The following KIF3A variants were observed in gnomAD, a reference collection of about 807,000 sequenced individuals.
KIF3A encodes the protein kinesin-like protein KIF3A.
A neutral mutation model predicts 92.6 loss-of-function variants in KIF3A; 27 were observed. The ratio of observed to expected loss-of-function variants is 0.29; its 90% CI spans 0.21 to 0.40. The LOEUF is 0.40. Among genes scored for constraint, KIF3A ranks in the 10% least tolerant of loss-of-function variants. The pLI, the probability that KIF3A is intolerant of heterozygous loss-of-function variation, is 1.00. For synonymous variants in KIF3A, 250 were observed against 275.4 expected (o/e 0.91, Z 0.92); for missense variants, 581 against 872.6 (o/e 0.67, Z 4.21).
chr5:132,717,263 A>G (rs1753658119), intron 5 of KIF3A, among the ~76,000 whole-genome samples: 1 of 152,186 alleles, frequency 6.6e-6, no homozygotes, highest in East Asian at 1.9e-4. Context: ...ACTAATTTAC[A>G]CCAAAAAACC....
chr5:132,689,631 T>C (rs1581050904), downstream of KIF3A: 3 of 152,318 alleles, frequency 2.0e-5, no homozygotes, highest in African/African-American at 7.2e-5. Flanking sequence ...GGATGGACAA[T>C]GTCTTCAGCA....
At chr5:132,711,941 C>T (rs754520727) in intron 8 of KIF3A, among the ~76,000 whole-genome samples, 1 of 152,070 alleles carries the variant, frequency 6.6e-6, no homozygotes, top group South Asian at 2.1e-4. Context: ...AGCACTATAT[C>T]ATCTTCAAAT....
chr5:132,720,135 C>T (rs1019366179), intron 5 of KIF3A, among the ~76,000 whole-genome samples: 8 of 152,134 alleles, frequency 5.3e-5, no homozygotes, highest in East Asian at 1.9e-4. Flanking sequence ...AGCCACTGTG[C>T]GTGGCTATGG....
At chr5:132,720,539 T>C in intron 5 of KIF3A, 70 bp downstream of exon 5, 1 of 879,172 alleles carries the variant, frequency 1.1e-6, no homozygotes, top group Non-Finnish European at 1.8e-6. Context: ...TAAAGTGCCA[T>C]ACCAAATTTG....
In KIF3A at chr5:132,700,432, C is replaced by T. The variant is rs983936976; in HGVS notation, c.1939-148G>A. 4.6e-6 allele frequency: 3 copies of T among 653,304 alleles called. No individual in the cohort carries two copies. In the African/African-American group the frequency reaches 5.5e-5, roughly 12 times the overall value. 40.5% of individuals were successfully genotyped at this position (653,304 alleles called of 1,614,324 possible). On this transcript the variant is annotated intron_variant, in intron 16 of 18. Transcript: ENST00000403231. ...GAAAGGGCCCCAGAGGTCACTTAGT[C>T]CCACATAGCCCCTAACTCTGACCAT...
rs1271956228 is a variant in KIF3A at position 132,693,805 on chromosome 5, G to T, written c.*2829C>A. On this transcript the variant is annotated 3_prime_UTR_variant, in exon 19 of 19. Transcript: ENST00000403231. ...AGCCTGGCCAACATGGTGAAACCCG[G>T]TCTCTACTAAAAAAAAAATACAAAA... is the stretch of plus-strand genomic sequence containing the variant. The T allele has an allele frequency of 1.3e-5, 2 of 151,354 alleles. No individual in the cohort carries two copies. Among genetic ancestry groups the T allele is most frequent in the Non-Finnish European group, 2.9e-5 (2 of 67,916 alleles). The allele number at this position is 151,354 out of a possible 1,614,324, so 9.4% of individuals were successfully genotyped here.
intron 1 of KIF3A, chr5:132,736,888 C>T (rs1351658339): frequency 6.6e-5 from 24 of 365,896 alleles, no homozygotes; most frequent in Non-Finnish European, 1.2e-4. Flanking sequence ...CCGCCACACA[C>T]ACAAAGACAC....
Position 132,716,810 on chromosome 5 carries a change from AAG to A in KIF3A, c.756+33_756+34del, listed in dbSNP as rs780912217. 86 of 1,596,734 alleles carry A rather than the reference AAG, an allele frequency of 5.4e-5. No homozygotes were observed. The East Asian group carries it at 1.4e-3, about 25-fold the overall frequency. Reference sequence around the variant, plus strand: ...TTTATAAAATAAATGGATCACAAGAAAGAGTTATTCCTTAAGCAGTGTCCTGT... The same window carrying A: ...TTTATAAAATAAATGGATCACAAGAAAGTTATTCCTTAAGCAGTGTCCTGT... On this transcript the variant is annotated intron_variant, in intron 6 of 18. Coordinates refer to ENST00000403231, the MANE Select transcript of KIF3A (RefSeq NM_001300791.2).
At chr5:132,703,210 AGTATCG>A in intron 12 of KIF3A, 145 bp from the exon 13 acceptor site, 1 of 719,448 alleles carries the variant, frequency 1.4e-6, no homozygotes, top group Non-Finnish European at 2.2e-6. Context: ...ACCACTGTGT[AGTATCG>A]ATTTCTAACT....
intron 18 of KIF3A, among the ~76,000 whole-genome samples, chr5:132,698,537 C>A (rs1291667576): frequency 6.6e-6 from 1 of 151,920 alleles, no homozygotes; most frequent in Non-Finnish European, 1.5e-5. Context: ...CCTTGGGAGA[C>A]CAAACAGGCA....
Position 132,711,060 on chromosome 5 carries a change from T to C in KIF3A, c.1130-3A>G. 3.1e-6 allele frequency: 5 copies of C among 1,609,642 alleles called. No homozygotes were observed. The highest frequency in any genetic ancestry group is 1.3e-5 in the African/African-American group (1 of 74,966). ...ATCAGAGCCTGATATTTCTTCTCCT[T>C]GGACAGAAATTTAATACAATGTTTT... is the stretch of plus-strand genomic sequence containing the variant. On this transcript the variant is annotated splice_region_variant and splice_polypyrimidine_tract_variant and intron_variant, in intron 8 of 18. Transcript: ENST00000403231.
intron 4 of KIF3A, among the ~76,000 whole-genome samples, chr5:132,722,769 T>C (rs962102292): frequency 9.8e-5 from 15 of 152,316 alleles, no homozygotes; most frequent in African/African-American, 3.4e-4. Flanking sequence ...CTAGTCACTA[T>C]TGTAAAAGAC....
intron 11 of KIF3A, among the ~76,000 whole-genome samples, chr5:132,704,370 T>C (rs1753140988): frequency 6.6e-6 from 1 of 151,910 alleles, no homozygotes; most frequent in South Asian, 2.1e-4. Flanking sequence ...GAAGGCTCCC[T>C]AAGTCAGAGT....
chr5:132,700,797 A>T (rs1468215), intron 15 of KIF3A, 97 bp from the exon 16 acceptor site: 471,010 of 727,418 alleles, frequency 0.65, 161,863 homozygotes, highest in Non-Finnish European at 0.74. Context: ...TGAGTAATAA[A>T]AGTCTCAAAA....
chr5:132,689,662 G>T (rs960085578), downstream of KIF3A: 1 of 152,216 alleles, frequency 6.6e-6, no homozygotes, highest in Non-Finnish European at 1.5e-5. Context: ...AACACAGGCA[G>T]TAACAGACGC....
At chr5:132,722,029 T>A (rs1410084329) in intron 4 of KIF3A, among the ~76,000 whole-genome samples, 4 of 152,232 alleles carry the variant, frequency 2.6e-5, no homozygotes, top group African/African-American at 9.6e-5. Context: ...GATAATTTTG[T>A]AAAATACAAA....
At chr5:132,727,486 A>G (rs1754073983) in intron 2 of KIF3A, among the ~76,000 whole-genome samples, 1 of 152,192 alleles carries the variant, frequency 6.6e-6, no homozygotes, top group African/African-American at 2.4e-5. Context: ...ATCAGATAGG[A>G]ACAGTGTGGA....
intron 2 of KIF3A, among the ~76,000 whole-genome samples, 178 bp downstream of exon 2, chr5:132,734,027 T>C (rs1754315453): frequency 1.3e-5 from 2 of 152,146 alleles, no homozygotes; most frequent in South Asian, 4.1e-4. Flanking sequence ...GGTCTGCAAA[T>C]GGGCATAAAG....
chr5:132,732,681 A>C (rs1468806748), intron 2 of KIF3A, among the ~76,000 whole-genome samples: 1 of 152,136 alleles, frequency 6.6e-6, no homozygotes, highest in Non-Finnish European at 1.5e-5. Flanking sequence ...AGGCTGAGAC[A>C]GGCGGATCAC....
Sources: gnomAD v4.1 joint callset for allele counts (sites outside exome capture counted in the v4.1 genomes callset) on GRCh38, gnomAD v4.1.1 for gene constraint, MANE v1.5 for transcripts, NCBI Gene and HGNC (gene_info 2026-07-23, HGNC 2026-07-21) for gene names.